The following HOOK3 variants were observed in gnomAD, a reference collection of about 807,000 sequenced individuals.
HOOK3 encodes hook microtubule tethering protein 3.
A neutral mutation model predicts 116.3 loss-of-function variants in HOOK3; 24 were observed. The observed-to-expected ratio is 0.21, with a 90% CI of 0.15 to 0.29. HOOK3 has a LOEUF of 0.29. HOOK3 is among the 10% of genes least tolerant of loss of function. HOOK3 has a pLI of 1.00. For synonymous variants in HOOK3, 275 were observed against 283.0 expected, an observed-to-expected ratio of 0.97 and a Z score of 0.28; for missense variants, 632 against 830.2, an observed-to-expected ratio of 0.76 and a Z score of 2.93.
chr8:42,900,151 G>T (rs1021981856), intron 1 of HOOK3, among the ~76,000 whole-genome samples: 26 of 152,272 alleles, frequency 1.7e-4, no homozygotes, highest in African/African-American at 6.3e-4. Flanking sequence ...TACAAAAAGA[G>T]TTAAGTATCA....
intron 2 of HOOK3, among the ~76,000 whole-genome samples, chr8:42,920,776 T>G (rs957324376): frequency 6.6e-6 from 1 of 152,210 alleles, no homozygotes; most frequent in Non-Finnish European, 1.5e-5. Flanking sequence ...GAAAATTACT[T>G]AATTTCTGAG....
chr8:42,982,775 T>C, intron 14 of HOOK3, 79 bp downstream of exon 14: 3 of 919,808 alleles, frequency 3.3e-6, no homozygotes, highest in South Asian at 1.4e-5. Context: ...ATGAAGAAGA[T>C]AATTTCCTTA....
chr8:42,897,556 T>C (rs1807040332), intron 1 of HOOK3, among the ~76,000 whole-genome samples: 1 of 152,174 alleles, frequency 6.6e-6, no homozygotes, highest in Non-Finnish European at 1.5e-5. Flanking sequence ...CGGGCCCGGC[T>C]CCGGCCCGGG....
At chr8:42,999,762 A>T (rs535864065) in intron 16 of HOOK3, among the ~76,000 whole-genome samples, 1 of 152,338 alleles carries the variant, frequency 6.6e-6, no homozygotes, top group South Asian at 2.1e-4. Context: ...CCATATGGAT[A>T]ATTTGAGCTA....
Position 42,916,231 on chromosome 8 carries a change from A to G in HOOK3, c.144-9326A>G, listed in dbSNP as rs548619919. ...TCCTGCTCTATTGTAGGTGTCCAGA[A>G]AATATTTGTTGAATAAATGAATGTG... is the stretch of plus-strand genomic sequence containing the variant. On this transcript the variant is annotated intron_variant, in intron 2 of 21. Coordinates refer to ENST00000307602, the MANE Select transcript of HOOK3 (RefSeq NM_032410.4). Among the ~76,000 whole-genome samples the G allele has an allele frequency of 2.0e-5, 3 of 152,360 alleles. No homozygotes were observed. In the East Asian group the frequency reaches 5.8e-4, roughly 29 times the overall value.
intron 5 of HOOK3, among the ~76,000 whole-genome samples, chr8:42,948,641 T>A (rs1808281622): frequency 6.6e-6 from 1 of 152,214 alleles, no homozygotes; most frequent in Non-Finnish European, 1.5e-5. Context: ...AGTCTTACTT[T>A]TAGAGCTGTT....
intron 14 of HOOK3, among the ~76,000 whole-genome samples, chr8:42,984,150 C>G (rs1373768595): frequency 6.6e-6 from 1 of 152,028 alleles, no homozygotes; most frequent in Non-Finnish European, 1.5e-5. Flanking sequence ...GGTGGATCAC[C>G]TGAGGTCAGG....
At chr8:42,925,742 A>T (rs980020247) in intron 3 of HOOK3, 113 bp downstream of exon 3, 2 of 654,260 alleles carry the variant, frequency 3.1e-6, no homozygotes, top group Non-Finnish European at 2.6e-6. Context: ...GTAGCCTGTA[A>T]TGAAATAATG....
At chr8:43,001,588 A>G (rs894140195) in intron 16 of HOOK3, among the ~76,000 whole-genome samples, 1 of 151,780 alleles carries the variant, frequency 6.6e-6, no homozygotes, top group African/African-American at 2.4e-5. Context: ...ATTCTCCAAC[A>G]TATTAAAGGC....
In HOOK3 at chr8:42,959,087, C is replaced by T. The variant is rs1808489815; in HGVS notation, c.532-144C>T. On this transcript the variant is annotated intron_variant, in intron 7 of 21. Coordinates refer to ENST00000307602, the MANE Select transcript of HOOK3 (RefSeq NM_032410.4). Reference sequence around the variant, plus strand: ...AAGTTAAAAGTGCTGTGTTTGTACTCTTCCACAGGATTCTTGATTTCCTCT... The same window carrying T: ...AAGTTAAAAGTGCTGTGTTTGTACTTTTCCACAGGATTCTTGATTTCCTCT... 3 of 595,884 alleles carry T rather than the reference C, an allele frequency of 5.0e-6. No individual in the cohort carries two copies. In the East Asian group the frequency reaches 8.5e-5, roughly 17 times the overall value. The allele number at this position is 595,884 out of a possible 1,614,324, so 36.9% of individuals were successfully genotyped here.
chr8:42,938,217 C>CTTTTTTTTTTTTTT (rs145868661), intron 4 of HOOK3, among the ~76,000 whole-genome samples: 15 of 132,302 alleles, frequency 1.1e-4, no homozygotes, highest in African/African-American at 4.0e-4. Flanking sequence ...GCAACCCCTG[C>CTTTTTTTTTTTTTT]TTTTTTTTTT....
chr8:43,003,451 T>A (rs62515954), intron 17 of HOOK3, among the ~76,000 whole-genome samples: 1 of 152,142 alleles, frequency 6.6e-6, no homozygotes. Flanking sequence ...AAAAAAAAAT[T>A]CTCATTCCTT....
At chr8:42,947,483 A>T (rs1808251765) in intron 5 of HOOK3, among the ~76,000 whole-genome samples, 1 of 152,206 alleles carries the variant, frequency 6.6e-6, no homozygotes, top group South Asian at 2.1e-4. Context: ...AAGATAGTCA[A>T]TTATAATATT....
chr8:42,972,768 A>G (rs1188581502), intron 11 of HOOK3, among the ~76,000 whole-genome samples: 1 of 152,064 alleles, frequency 6.6e-6, no homozygotes, highest in Non-Finnish European at 1.5e-5. Context: ...TTTTTTTTCT[A>G]ATCCACCTAT....
intron 18 of HOOK3, among the ~76,000 whole-genome samples, chr8:43,010,073 T>C (rs1177026164): frequency 6.6e-6 from 1 of 150,864 alleles, no homozygotes; most frequent in Non-Finnish European, 1.5e-5. Context: ...CATACTGGAG[T>C]TTTTATTTAT....
chr8:42,948,710 T>C (rs1194216399), intron 5 of HOOK3, among the ~76,000 whole-genome samples: 1 of 152,234 alleles, frequency 6.6e-6, no homozygotes, highest in Non-Finnish European at 1.5e-5. Flanking sequence ...TTGATACTTT[T>C]GAACAGAACA....
intron 5 of HOOK3, chr8:42,949,316 G>A (rs1808294416): frequency 2.0e-5 from 3 of 152,054 alleles, no homozygotes; most frequent in Admixed American, 1.3e-4. Context: ...TTGTTTTTTG[G>A]CAGTGGTGAG....
intron 4 of HOOK3, among the ~76,000 whole-genome samples, chr8:42,937,657 C>T (rs1807999257): frequency 6.6e-6 from 1 of 151,694 alleles, no homozygotes; most frequent in African/African-American, 2.4e-5. Context: ...ACCCAGTAGT[C>T]ATTCAGGAGC....
chr8:43,019,421 G>T lies in HOOK3; in HGVS notation c.*923G>T, dbSNP rs1809783503. Reference sequence around the variant, plus strand: ...ATTTTTGGGCTGTTTGTTGACTTATGCCCCATTTGTTTTACTTGTTCTTTA... The same window carrying T: ...ATTTTTGGGCTGTTTGTTGACTTATTCCCCATTTGTTTTACTTGTTCTTTA... On this transcript the variant is annotated 3_prime_UTR_variant, in exon 22 of 22. Coordinates refer to ENST00000307602, the MANE Select transcript of HOOK3 (RefSeq NM_032410.4). The T allele has an allele frequency of 4.7e-6, 1 of 213,208 alleles. No homozygotes were observed. Among genetic ancestry groups the T allele is most frequent in the Non-Finnish European group, 9.5e-6 (1 of 105,642 alleles). 13.2% of individuals were successfully genotyped at this position (213,208 alleles called of 1,614,324 possible).
Sources: gnomAD v4.1 joint callset for allele counts (sites outside exome capture counted in the v4.1 genomes callset) on GRCh38, gnomAD v4.1.1 for gene constraint, MANE v1.5 for transcripts, NCBI Gene and HGNC (gene_info 2026-07-23, HGNC 2026-07-21) for gene names.